IFNAR2: variants seen among roughly 807,000 people sequenced by gnomAD.
IFNAR2 encodes the protein interferon alpha and beta receptor subunit 2.
Under a neutral mutation model 49.4 loss-of-function variants are expected in IFNAR2, and 30 were observed. The ratio of observed to expected loss-of-function variants is 0.61; its 90% CI spans 0.45 to 0.82. The LOEUF (loss-of-function observed/expected upper bound fraction) is 0.82. Among genes scored for constraint, IFNAR2 ranks in the 40% least tolerant of loss-of-function variants. The probability of loss-of-function intolerance (pLI) is 0.00; values close to 1 mark genes in which losing one functional copy is unlikely to be tolerated. For synonymous variants in IFNAR2, 224 were observed against 234.5 expected (o/e 0.96, Z 0.41); for missense variants, 600 against 622.7 (o/e 0.96, Z 0.39).
chr21:33,262,002 C>T (rs941396052), intron 8 of IFNAR2, among the ~76,000 whole-genome samples: 3 of 152,198 alleles, frequency 2.0e-5, no homozygotes, highest in Non-Finnish European at 4.4e-5. Context: ...TGCTCCCACT[C>T]ACTAGTCACA....
At chr21:33,236,502 C>T (rs1276875521) in intron 1 of IFNAR2, among the ~76,000 whole-genome samples, 1 of 152,172 alleles carries the variant, frequency 6.6e-6, no homozygotes, top group African/African-American at 2.4e-5. Flanking sequence ...CCAGACCCAA[C>T]CTCCAGCCAG....
chr21:33,234,316 T>C (rs1013463602), intron 1 of IFNAR2, among the ~76,000 whole-genome samples: 1 of 151,818 alleles, frequency 6.6e-6, no homozygotes. Flanking sequence ...GTTTGAAAAA[T>C]AAGCTAGAAT....
chr21:33,236,805 C>A (rs1986497534), intron 1 of IFNAR2: 2 of 982,998 alleles, frequency 2.0e-6, no homozygotes. Context: ...CACAGGAGAA[C>A]CTCAAGCCAA....
chr21:33,253,110 T>G (rs1381184063), intron 7 of IFNAR2, among the ~76,000 whole-genome samples: 1 of 152,200 alleles, frequency 6.6e-6, no homozygotes. Flanking sequence ...AATTCAGCAC[T>G]GTGTGCCCTT....
At chr21:33,234,247 G>A (rs1418226566) in intron 1 of IFNAR2, among the ~76,000 whole-genome samples, 2 of 148,982 alleles carry the variant, frequency 1.3e-5, no homozygotes, top group South Asian at 2.1e-4. Flanking sequence ...AGATCTGTGG[G>A]ATTATGTTCG....
intron 7 of IFNAR2, among the ~76,000 whole-genome samples, chr21:33,256,495 C>G (rs1988216276): frequency 6.6e-6 from 1 of 152,090 alleles, no homozygotes; most frequent in Non-Finnish European, 1.5e-5. Context: ...GGTGAGGGGT[C>G]TTGGAAGGAT....
chr21:33,259,458 C>T (rs1405533968), intron 7 of IFNAR2, among the ~76,000 whole-genome samples: 1 of 152,162 alleles, frequency 6.6e-6, no homozygotes. Flanking sequence ...AATTCTCAGA[C>T]TCATGAGAAT....
chr21:33,237,078 G>GGTGTGTGTGTGTGTGT (rs34322078), intron 1 of IFNAR2, among the ~76,000 whole-genome samples: 117 of 147,698 alleles, frequency 7.9e-4, no homozygotes, highest in African/African-American at 1.5e-3. Context: ...GGGAGAATGG[G>GGTGTGTGTGTGTGTGT]GTGTGTGTGT....
chr21:33,263,563 C>T lies in IFNAR2; in HGVS notation c.*63C>T, dbSNP rs2123544891. 1.4e-6 allele frequency: 2 copies of T among 1,471,348 alleles called. No individual in the cohort carries two copies. Among genetic ancestry groups the T allele is most frequent in the Non-Finnish European group, 1.8e-6 (2 of 1,100,854 alleles). The allele number at this position is 1,471,348 out of a possible 1,614,324, so 91.1% of individuals were successfully genotyped here. ...CTACAGGGTTCTTTGTCTCTGCATC[C>T]TAACTTGCTGCCTTATCGTCTGCAA... On this transcript the variant is annotated 3_prime_UTR_variant, in exon 9 of 9. Transcript: ENST00000342136.
At chr21:33,239,834 G>C (rs2123461442) in intron 1 of IFNAR2, among the ~76,000 whole-genome samples, 1 of 99,142 alleles carries the variant, frequency 1.0e-5, no homozygotes, top group South Asian at 4.4e-4. Flanking sequence ...AGTGGTCACA[G>C]CCCTCAATGT....
At chr21:33,237,732 G>C (rs1986590158) in intron 1 of IFNAR2, among the ~76,000 whole-genome samples, 1 of 152,088 alleles carries the variant, frequency 6.6e-6, no homozygotes, top group African/African-American at 2.4e-5. Flanking sequence ...CTCATGGGTG[G>C]TGGAGTCTGT....
rs1317298945 is a variant in IFNAR2, at chr21:33,230,234, G to A, written c.-84+18G>A. 5 of 1,095,698 alleles carry A rather than the reference G, an allele frequency of 4.6e-6. No individual in the cohort carries two copies. The South Asian group carries it at 8.0e-5, about 18-fold the overall frequency. The allele number at this position is 1,095,698 out of a possible 1,614,324, so 67.9% of individuals were successfully genotyped here. On this transcript the variant is annotated intron_variant, in intron 1 of 8. Coordinates refer to ENST00000342136, the MANE Select transcript of IFNAR2 (RefSeq NM_001289125.3). This position sits in a 1 kb window ranked among gnomAD's most constrained non-coding sequence, Gnocchi z 5.5. Reference sequence around the variant, plus strand: ...CTGCAAAGGTAACGCAGCGTGGCGGGGTCGCGGGAGCGGAGCGCGTGGCCA... The same window carrying A: ...CTGCAAAGGTAACGCAGCGTGGCGGAGTCGCGGGAGCGGAGCGCGTGGCCA...
At chr21:33,254,911 T>C (rs780824578) in intron 7 of IFNAR2, among the ~76,000 whole-genome samples, 1 of 152,212 alleles carries the variant, frequency 6.6e-6, no homozygotes, top group Non-Finnish European at 1.5e-5. Context: ...TCTTCAAGTA[T>C]GTTACTGACT....
intron 6 of IFNAR2, chr21:33,252,158 C>G (rs1170260609): frequency 2.1e-6 from 1 of 470,422 alleles, no homozygotes; most frequent in South Asian, 1.6e-5. Flanking sequence ...AGAAACTAGA[C>G]ATCAGTCAGT....
intron 7 of IFNAR2, among the ~76,000 whole-genome samples, chr21:33,254,242 G>A (rs1034463845): frequency 1.3e-5 from 2 of 152,162 alleles, no homozygotes; most frequent in African/African-American, 4.8e-5. Context: ...TGGTCCAGAC[G>A]TGCCTCACGG....
intron 7 of IFNAR2, among the ~76,000 whole-genome samples, chr21:33,260,360 C>T (rs1372766950): frequency 1.3e-5 from 2 of 152,200 alleles, no homozygotes; most frequent in Non-Finnish European, 2.9e-5. Context: ...CTGTACAGTG[C>T]AGTTATAGAA....
At chr21:33,232,961 A>G (rs751786308) in intron 1 of IFNAR2, 24 of 983,138 alleles carry the variant, frequency 2.4e-5, no homozygotes, top group African/African-American at 3.5e-5. Context: ...AACAACGTGG[A>G]TTGCAAGACG....
chr21:33,255,485 G>A (rs1387740489), intron 7 of IFNAR2, among the ~76,000 whole-genome samples: 1 of 152,158 alleles, frequency 6.6e-6, no homozygotes, highest in East Asian at 1.9e-4. Flanking sequence ...AAAGTGTTAT[G>A]GCTTATGATT....
At chr21:33,246,094 G>A (rs17860197) in intron 4 of IFNAR2, among the ~76,000 whole-genome samples, 6 of 147,316 alleles carry the variant, frequency 4.1e-5, no homozygotes, top group African/African-American at 7.6e-5. Context: ...TTTTTGAGAC[G>A]GAGTCTCACT....
Sources: gnomAD v4.1 joint callset for allele counts (sites outside exome capture counted in the v4.1 genomes callset) on GRCh38, gnomAD v4.1.1 for gene constraint, Gnocchi (gnomAD v3.1) non-coding constraint, MANE v1.5 for transcripts, NCBI Gene and HGNC (gene_info 2026-07-23, HGNC 2026-07-21) for gene names.